MAP2K5: variants seen among roughly 807,000 people sequenced by gnomAD.
The protein encoded by MAP2K5 is dual specificity mitogen-activated protein kinase kinase 5.
Under a neutral mutation model 83.1 loss-of-function variants are expected in MAP2K5, and 49 were observed. That is an observed-to-expected ratio of 0.59 (90% CI 0.47 to 0.75). MAP2K5 has a LOEUF of 0.75. MAP2K5 is among the 30% of genes least tolerant of loss of function. The pLI, the probability that MAP2K5 is intolerant of heterozygous loss-of-function variation, is 0.00. For missense variants in MAP2K5, 457 were observed against 557.5 expected (o/e 0.82, Z 1.82); for synonymous variants, 202 against 191.8 (o/e 1.05, Z -0.44).
chr15:67,589,954 C>T (rs1407838170), intron 6 of MAP2K5, among the ~76,000 whole-genome samples: 2 of 152,118 alleles, frequency 1.3e-5, no homozygotes, highest in Admixed American at 1.3e-4. Flanking sequence ...GCATTTAGCA[C>T]AATGCCTAGC....
chr15:67,630,864 T>C, intron 8 of MAP2K5, 24 bp from the exon 9 acceptor site: 1 of 1,597,146 alleles, frequency 6.3e-7, no homozygotes. Flanking sequence ...TCCCAAATGA[T>C]TTTGTTTTTT....
chr15:67,599,663 C>T (rs937715302), intron 7 of MAP2K5, among the ~76,000 whole-genome samples: 1 of 145,620 alleles, frequency 6.9e-6, no homozygotes, highest in Non-Finnish European at 1.5e-5. Context: ...CCATGCAAGG[C>T]AGTGCAATTC....
intron 9 of MAP2K5, among the ~76,000 whole-genome samples, chr15:67,632,124 G>C: frequency 7.1e-6 from 1 of 141,334 alleles, no homozygotes; most frequent in East Asian, 2.1e-4. Flanking sequence ...GATTGAGACA[G>C]GGTCTTGCTC....
chr15:67,602,276 A>G (rs1241196249), intron 8 of MAP2K5, among the ~76,000 whole-genome samples: 3 of 152,214 alleles, frequency 2.0e-5, no homozygotes, highest in Non-Finnish European at 2.9e-5. Context: ...AGGAAGAAGG[A>G]ACATGTATAC....
intron 10 of MAP2K5, 27 bp from the exon 11 acceptor site, chr15:67,646,361 A>G: frequency 6.8e-7 from 1 of 1,473,252 alleles, no homozygotes; most frequent in Non-Finnish European, 9.5e-7. Flanking sequence ...CAGGTTTATA[A>G]CTACTTTTGT....
At chr15:67,592,499 A>G (rs2085436333) in intron 6 of MAP2K5, among the ~76,000 whole-genome samples, 1 of 152,188 alleles carries the variant, frequency 6.6e-6, no homozygotes, top group Non-Finnish European at 1.5e-5. Context: ...ATAACTTTTA[A>G]CTGTGTAAGA....
At chr15:67,630,447 A>C (rs1354966763) in intron 8 of MAP2K5, among the ~76,000 whole-genome samples, 6 of 152,082 alleles carry the variant, frequency 3.9e-5, no homozygotes, top group Admixed American at 3.9e-4. Context: ...TTAAAAAAAT[A>C]AGCAAAAAAA....
intron 21 of MAP2K5, among the ~76,000 whole-genome samples, chr15:67,797,602 A>G (rs1341549000): frequency 9.9e-5 from 15 of 152,116 alleles, no homozygotes; most frequent in African/African-American, 2.4e-5. Flanking sequence ...CATTTTCACT[A>G]TAGTTTTTCT....
At chr15:67,674,445 A>G (rs1567352577) in intron 13 of MAP2K5, among the ~76,000 whole-genome samples, 1 of 152,180 alleles carries the variant, frequency 6.6e-6, no homozygotes. Context: ...AGTAGATTAT[A>G]ACTTGTGAAT....
At chr15:67,800,727 G>A (rs947399941) in intron 21 of MAP2K5, among the ~76,000 whole-genome samples, 3 of 152,140 alleles carry the variant, frequency 2.0e-5, no homozygotes, top group Non-Finnish European at 2.9e-5. Flanking sequence ...CCCGATGTAC[G>A]TGATGGGGCT....
rs552431247 is a variant in MAP2K5, at chr15:67,760,566, G to C, written c.1135-9036G>C. Among the ~76,000 whole-genome samples, 34 of 152,166 alleles carry C rather than the reference G, an allele frequency of 2.2e-4. No homozygotes were observed. The South Asian group carries it at 6.8e-3, about 31-fold the overall frequency. On this transcript the variant is annotated intron_variant, in intron 19 of 21. Transcript: ENST00000178640. The surrounding 1 kb of genome is among the most constrained non-coding windows in gnomAD (Gnocchi z 4.1). ...TAAACATCCCCATAATTTTGATTTAGTAAGTCAATTAGATTTGTGGGGATT... is the reference window on the plus strand; with the variant it reads ...TAAACATCCCCATAATTTTGATTTACTAAGTCAATTAGATTTGTGGGGATT...
chr15:67,659,349 T>C (rs183974386), intron 12 of MAP2K5: 1 of 152,802 alleles, frequency 6.5e-6, no homozygotes, highest in East Asian at 1.9e-4. Context: ...GATTGTACCA[T>C]GTACCATTTA....
intron 3 of MAP2K5, among the ~76,000 whole-genome samples, chr15:67,569,171 T>C (rs2084904067): frequency 6.6e-6 from 1 of 152,236 alleles, no homozygotes; most frequent in Non-Finnish European, 1.5e-5. Context: ...TAGGAAGTTT[T>C]CTTTAAAGAA....
intron 3 of MAP2K5, among the ~76,000 whole-genome samples, chr15:67,564,564 A>G (rs187060927): frequency 6.6e-6 from 1 of 152,362 alleles, no homozygotes; most frequent in East Asian, 1.9e-4. Flanking sequence ...TTAACAGAGC[A>G]TTGCATTCCA....
At chr15:67,608,545 G>A (rs1878699) in intron 8 of MAP2K5, among the ~76,000 whole-genome samples, 51,011 of 152,114 alleles carry the variant, frequency 0.34, 9,500 homozygotes, top group Non-Finnish European at 0.43. Flanking sequence ...CTGGGGGGCT[G>A]AGGAAGAACT....
At chr15:67,568,319 T>C (rs2084883701) in intron 3 of MAP2K5, among the ~76,000 whole-genome samples, 1 of 152,204 alleles carries the variant, frequency 6.6e-6, no homozygotes. Flanking sequence ...AAAAATACTT[T>C]TTGACCTGTG....
At chr15:67,709,493 A>AAC (rs1017053374) in intron 16 of MAP2K5, among the ~76,000 whole-genome samples, 6 of 151,578 alleles carry the variant, frequency 4.0e-5, no homozygotes, top group African/African-American at 1.5e-4. Context: ...AAAAAAAAAA[A>AAC]ACTACAGGGC....
At position 67,746,260 on chromosome 15, in the gene MAP2K5, CT is replaced by C. The variant is rs987736446; in HGVS notation, c.1075-1970del. 2.0e-5 allele frequency among the ~76,000 whole-genome samples: 3 copies of C among 152,040 alleles called. No individual in the cohort carries two copies. The highest frequency in any genetic ancestry group is 7.2e-5 in the African/African-American group (3 of 41,406). ...TCCATTTCTGAATTCATTTCAAAAC[CT>C]CTCACTTAGAATGTTTGCTGCATGT... On this transcript the variant is annotated intron_variant, in intron 17 of 21. Transcript: ENST00000178640. This position sits in a 1 kb window ranked among gnomAD's most constrained non-coding sequence, Gnocchi z 4.1.
intron 16 of MAP2K5, among the ~76,000 whole-genome samples, chr15:67,706,714 C>A (rs903865661): frequency 6.6e-6 from 1 of 152,130 alleles, no homozygotes. Flanking sequence ...ATTACCCCCA[C>A]ACAACATGTT....
Sources: gnomAD v4.1 joint callset for allele counts (sites outside exome capture counted in the v4.1 genomes callset) on GRCh38, gnomAD v4.1.1 for gene constraint, Gnocchi (gnomAD v3.1) non-coding constraint, MANE v1.5 for transcripts, NCBI Gene and HGNC (gene_info 2026-07-23, HGNC 2026-07-21) for gene names.